ZPBP: variants seen among roughly 807,000 people sequenced by gnomAD.
ZPBP encodes the protein zona pellucida binding protein.
In ZPBP, 26 loss-of-function variants were observed where a neutral mutation model predicts 44.8. The observed-to-expected ratio is 0.58, with a 90% CI of 0.43 to 0.81. The LOEUF is 0.81. Among genes scored for constraint, ZPBP ranks in the 30% least tolerant of loss-of-function variants. The pLI is 0.00. For missense variants in ZPBP, 409 were observed against 434.0 expected (o/e 0.94, Z 0.51); for synonymous variants, 174 against 153.2 (o/e 1.14, Z -1.00).
At chr7:49,912,411 G>A in intron 1 of ZPBP, 1 of 448,950 alleles carries the variant, frequency 2.2e-6, no homozygotes, top group Non-Finnish European at 4.0e-6. Context: ...CTAAATAAAT[G>A]TGCTATTTTC....
At chr7:49,951,200 TA>T (rs570363440) in intron 7 of ZPBP, among the ~76,000 whole-genome samples, 6 of 151,680 alleles carry the variant, frequency 4.0e-5, no homozygotes, top group Non-Finnish European at 7.4e-5. Context: ...GCATAAGCAA[TA>T]AAAAATAAAT....
At chr7:50,054,380 G>A (rs1034063444) in intron 4 of ZPBP, among the ~76,000 whole-genome samples, 1 of 152,078 alleles carries the variant, frequency 6.6e-6, no homozygotes, top group East Asian at 1.9e-4. Context: ...CTAAAAATTA[G>A]TAAGAAAAAG....
chr7:50,030,913 C>T (rs939793440), intron 5 of ZPBP, among the ~76,000 whole-genome samples, 179 bp downstream of exon 5: 1 of 152,060 alleles, frequency 6.6e-6, no homozygotes, highest in Non-Finnish European at 1.5e-5. Context: ...CATTAGTACA[C>T]GAATCAGCAG....
At chr7:50,061,513 C>A (rs945046926) in intron 3 of ZPBP, among the ~76,000 whole-genome samples, 1 of 152,066 alleles carries the variant, frequency 6.6e-6, no homozygotes, top group African/African-American at 2.4e-5. Context: ...CTAGCCTAGC[C>A]AACATAGTGA....
chr7:49,983,361 T>G lies in ZPBP; in HGVS notation c.942A>C (p.Pro314=), dbSNP rs771005503. Residue 314 remains proline, a synonymous_variant, in exon 7 of 8, where the codon CCA becomes CCC. Coordinates refer to ENST00000046087, the MANE Select transcript of ZPBP (RefSeq NM_007009.3). ...ACATACCACAGCACTCAGGACATTT[T>G]GGATGTTGCTGGACATTCATTCCAT... ...PGYGMNVQQH[P]KCPECCVICS... 6.2e-7 allele frequency: 1 copy of G among 1,613,542 alleles called. No individual in the cohort carries two copies. Among genetic ancestry groups the G allele is most frequent in the Non-Finnish European group, 8.5e-7 (1 of 1,179,662 alleles).
downstream of ZPBP, among the ~76,000 whole-genome samples, chr7:49,933,575 T>A (rs566193460): frequency 6.6e-6 from 1 of 152,290 alleles, no homozygotes; most frequent in African/African-American, 2.4e-5. Flanking sequence ...GGATTATAAA[T>A]CATGCTGCTA....
chr7:49,906,068 A>G (rs1793071423), intron 1 of ZPBP, among the ~76,000 whole-genome samples: 1 of 152,212 alleles, frequency 6.6e-6, no homozygotes, highest in Non-Finnish European at 1.5e-5. Context: ...AGAAATAACC[A>G]TAAAAATGGG....
chr7:50,057,943 T>A lies in ZPBP; in HGVS notation c.487+46A>T. 1.9e-6 allele frequency: 3 copies of A among 1,555,462 alleles called. No homozygotes were observed. The South Asian group carries it at 3.4e-5, about 18-fold the overall frequency. On this transcript the variant is annotated intron_variant, in intron 4 of 7. Transcript: ENST00000046087. ...GCCTACTTAAACATATTTAAATGTT[T>A]AAAATCATTAAGAAAGGTTAAAACA... is the stretch of plus-strand genomic sequence containing the variant.
chr7:50,081,747 A>T, intron 3 of ZPBP, 27 bp downstream of exon 3: 1 of 1,608,612 alleles, frequency 6.2e-7, no homozygotes, highest in Non-Finnish European at 8.5e-7. Flanking sequence ...CATTTATTTA[A>T]TTACAATAAT....
intron 2 of ZPBP, among the ~76,000 whole-genome samples, chr7:49,876,836 G>T (rs969202917): frequency 6.6e-6 from 1 of 151,770 alleles, no homozygotes; most frequent in African/African-American, 2.4e-5. Context: ...TATTTGCTCA[G>T]CCTTCATATC....
chr7:49,919,906 T>C (rs1434407440), intron 1 of ZPBP: 2 of 152,238 alleles, frequency 1.3e-5, no homozygotes, highest in Non-Finnish European at 1.5e-5. Flanking sequence ...TATGTTTTTG[T>C]AGGTTTTAGA....
At chr7:49,854,766 T>A (rs555378141) in intron 2 of ZPBP, among the ~76,000 whole-genome samples, 114 of 152,360 alleles carry the variant, frequency 7.5e-4, no homozygotes, top group African/African-American at 2.6e-3. Flanking sequence ...GCTTTTGGTG[T>A]TTTAGACATG....
chr7:49,897,495 AC>A (rs368038319), intron 2 of ZPBP, among the ~76,000 whole-genome samples: 217 of 152,332 alleles, frequency 1.4e-3, no homozygotes, highest in African/African-American at 4.8e-3. Flanking sequence ...GTACTCAAAC[AC>A]TGATCAATAG....
intron 2 of ZPBP, among the ~76,000 whole-genome samples, chr7:49,854,176 C>T (rs1232707857): frequency 6.6e-6 from 1 of 152,144 alleles, no homozygotes; most frequent in African/African-American, 2.4e-5. Flanking sequence ...AATAAGCATA[C>T]ATGTGCACGT....
intron 2 of ZPBP, among the ~76,000 whole-genome samples, chr7:49,898,342 T>C (rs1792505158): frequency 6.6e-6 from 1 of 152,076 alleles, no homozygotes; most frequent in Non-Finnish European, 1.5e-5. Flanking sequence ...CCTTCACTTA[T>C]TCTTTCTATG....
intron 4 of ZPBP, among the ~76,000 whole-genome samples, chr7:50,045,058 A>G (rs1055974422): frequency 6.6e-6 from 1 of 152,252 alleles, no homozygotes; most frequent in African/African-American, 2.4e-5. Flanking sequence ...CCACATGATT[A>G]TCTCAATATA....
chr7:50,072,905 G>A (rs1562608272), intron 3 of ZPBP, among the ~76,000 whole-genome samples: 1 of 152,090 alleles, frequency 6.6e-6, no homozygotes, highest in African/African-American at 2.4e-5. Context: ...CAACACCCAA[G>A]GGCTTTCAAA....
chr7:49,889,293 A>G (rs1792030453), intron 2 of ZPBP, among the ~76,000 whole-genome samples: 1 of 152,218 alleles, frequency 6.6e-6, no homozygotes, highest in Non-Finnish European at 1.5e-5. Context: ...TTAGGCTTCT[A>G]TTGTGAAGGT....
At chr7:50,032,978 C>T (rs908889665) in intron 4 of ZPBP, among the ~76,000 whole-genome samples, 5 of 152,066 alleles carry the variant, frequency 3.3e-5, no homozygotes, top group African/African-American at 7.2e-5. Context: ...CATAAAATTG[C>T]TAATCTAACA....
Sources: allele counts gnomAD v4.1 joint callset (sites outside exome capture counted in the v4.1 genomes callset), GRCh38; gene constraint gnomAD v4.1.1; transcripts MANE v1.5; gene names NCBI Gene and HGNC (gene_info 2026-07-23, HGNC 2026-07-21).